EPHA6: variants seen among roughly 807,000 people sequenced by gnomAD.
The protein encoded by EPHA6 is ephrin type-A receptor 6.
Under a neutral mutation model 112.0 loss-of-function variants are expected in EPHA6, and 50 were observed. The observed-to-expected ratio is 0.45, with a 90% confidence interval of 0.36 to 0.56. The LOEUF (loss-of-function observed/expected upper bound fraction) is 0.56, where lower values mean the gene tolerates loss of function less well. Ranked by LOEUF, EPHA6 falls within the 20% of genes least tolerant of loss-of-function variation. EPHA6 has a pLI of 0.00. For missense variants in EPHA6, 1,280 were observed against 1,417.4 expected (o/e 0.90, Z 1.56); for synonymous variants, 529 against 490.7 (o/e 1.08, Z -1.03).
intron 2 of EPHA6, among the ~76,000 whole-genome samples, chr3:96,895,779 A>G (rs1190398600): frequency 6.6e-6 from 1 of 152,206 alleles, no homozygotes; most frequent in Non-Finnish European, 1.5e-5. Flanking sequence ...CCCCTGGTTT[A>G]TAGGTGCATC....
intron 4 of EPHA6, among the ~76,000 whole-genome samples, chr3:97,241,429 G>T (rs2078842709): frequency 6.6e-6 from 1 of 151,700 alleles, no homozygotes; most frequent in African/African-American, 2.4e-5. Context: ...CAATACAGAT[G>T]TCTCCAAAAG....
chr3:97,343,956 T>G (rs968231099), intron 5 of EPHA6, among the ~76,000 whole-genome samples: 1 of 152,130 alleles, frequency 6.6e-6, no homozygotes, highest in African/African-American at 2.4e-5. Flanking sequence ...GTACTATGTT[T>G]TGGATTTGCT....
rs188410201 is a variant in EPHA6 at position 96,936,487 on chromosome 3, A to G, written c.451-50843A>G. 3.2e-3 allele frequency among the ~76,000 whole-genome samples: 485 copies of G among 152,028 alleles called. 5 individuals carry two copies. The highest frequency in any genetic ancestry group is 0.01 in the Middle Eastern group (3 of 294). On this transcript the variant is annotated intron_variant, in intron 2 of 17. Transcript: ENST00000389672. Reference sequence around the variant, plus strand: ...TCAAACTTTTCAAGCTCTTTTGTGTATATTATATAACTGGCAGTGGATAAT... The same window carrying G: ...TCAAACTTTTCAAGCTCTTTTGTGTGTATTATATAACTGGCAGTGGATAAT...
intron 3 of EPHA6, among the ~76,000 whole-genome samples, chr3:97,192,328 T>C (rs748623469): frequency 3.9e-5 from 6 of 152,088 alleles, no homozygotes; most frequent in Non-Finnish European, 7.4e-5. Context: ...AGATGGGGTT[T>C]TGCCATGTTG....
chr3:97,219,239 A>G (rs1380431968), intron 3 of EPHA6, among the ~76,000 whole-genome samples: 1 of 152,090 alleles, frequency 6.6e-6, no homozygotes, highest in African/African-American at 2.4e-5. Flanking sequence ...CTCTTCTCAT[A>G]GCACCACTAG....
intron 14 of EPHA6, among the ~76,000 whole-genome samples, chr3:97,641,613 G>A (rs927214098): frequency 1.4e-4 from 22 of 152,370 alleles, no homozygotes; most frequent in African/African-American, 4.8e-4. Flanking sequence ...AGCAGAGCGA[G>A]GCATTGCCTC....
intron 2 of EPHA6, among the ~76,000 whole-genome samples, chr3:96,868,873 T>C (rs554721790): frequency 6.6e-6 from 1 of 152,118 alleles, no homozygotes; most frequent in East Asian, 1.9e-4. Flanking sequence ...AATTCATCAT[T>C]CCACTAGTAA....
At chr3:97,026,785 T>G (rs1576346861) in intron 3 of EPHA6, among the ~76,000 whole-genome samples, 1 of 152,074 alleles carries the variant, frequency 6.6e-6, no homozygotes, top group East Asian at 1.9e-4. Context: ...TAAAAAATAA[T>G]AGATGCTAGC....
At chr3:96,988,915 A>T (rs2043117621) in intron 3 of EPHA6, among the ~76,000 whole-genome samples, 1 of 152,144 alleles carries the variant, frequency 6.6e-6, no homozygotes. Flanking sequence ...TTACCTAATA[A>T]GTATATACAT....
rs201535642 is a variant in EPHA6 at position 97,283,318 on chromosome 3, G to A, written c.1606+39031G>A. On this transcript the variant is annotated intron_variant, in intron 5 of 17. Coordinates refer to ENST00000389672, the MANE Select transcript of EPHA6 (RefSeq NM_001080448.3). The stretch of plus-strand genomic sequence containing the variant: ...TGAAATATAAATTATTATCTTGCAT[G>A]CAGTAAGATAAATGGGAATAAATAT... Among the ~76,000 whole-genome samples, 16 of 152,150 alleles carry A rather than the reference G, an allele frequency of 1.1e-4. No homozygotes were observed. In the East Asian group the frequency reaches 3.1e-3, roughly 29 times the overall value.
chr3:96,991,954 C>T lies in EPHA6; in HGVS notation c.1114+3961C>T, dbSNP rs563986189. ...CTGGTGTTTTCAAGGTCCCTGACTGCAGGGGCAGAGAATGTTTTCTGATTA... is the reference window on the plus strand; with the variant it reads ...CTGGTGTTTTCAAGGTCCCTGACTGTAGGGGCAGAGAATGTTTTCTGATTA... On this transcript the variant is annotated intron_variant, in intron 3 of 17. Coordinates refer to ENST00000389672, the MANE Select transcript of EPHA6 (RefSeq NM_001080448.3). Among the ~76,000 whole-genome samples, 6 of 152,250 alleles carry T rather than the reference C, an allele frequency of 3.9e-5. No homozygotes were observed. In the East Asian group the frequency reaches 1.2e-3, roughly 29 times the overall value.
chr3:96,983,207 T>A (rs1410103706), intron 2 of EPHA6, among the ~76,000 whole-genome samples: 1 of 152,196 alleles, frequency 6.6e-6, no homozygotes, highest in Non-Finnish European at 1.5e-5. Flanking sequence ...TTCCTTTCTA[T>A]GTTTAGTGCT....
intron 11 of EPHA6, among the ~76,000 whole-genome samples, chr3:97,573,192 A>C (rs7614909): frequency 1.3e-5 from 2 of 152,046 alleles, no homozygotes; most frequent in African/African-American, 4.8e-5. Flanking sequence ...ACTTGATTTG[A>C]TAATTGTTGG....
intron 6 of EPHA6, among the ~76,000 whole-genome samples, chr3:97,409,974 AAAAT>A (rs1177193556): frequency 6.6e-6 from 1 of 152,112 alleles, no homozygotes; most frequent in African/African-American, 2.4e-5. Flanking sequence ...TTTTTAATTA[AAAAT>A]AAATAATGTT....
chr3:97,340,680 T>C (rs1201599541), intron 5 of EPHA6, among the ~76,000 whole-genome samples: 2 of 152,068 alleles, frequency 1.3e-5, no homozygotes, highest in Non-Finnish European at 2.9e-5. Flanking sequence ...AGCAGCAAAT[T>C]TGGTTTCTGT....
chr3:97,019,062 G>C (rs2044363831), intron 3 of EPHA6, among the ~76,000 whole-genome samples: 2 of 151,908 alleles, frequency 1.3e-5, no homozygotes, highest in African/African-American at 4.8e-5. Context: ...TATAGAGGGA[G>C]GATTATTATA....
chr3:97,521,200 T>C (rs1486070106), intron 10 of EPHA6, among the ~76,000 whole-genome samples: 1 of 147,918 alleles, frequency 6.8e-6, no homozygotes, highest in Admixed American at 6.7e-5. Context: ...ATAAATTTCT[T>C]TTTTTTTTTG....
At chr3:97,060,765 A>T (rs1251686802) in intron 3 of EPHA6, among the ~76,000 whole-genome samples, 1 of 151,166 alleles carries the variant, frequency 6.6e-6, no homozygotes, top group Non-Finnish European at 1.5e-5. Flanking sequence ...CAAAAAAAAA[A>T]TAATAATAAT....
intron 14 of EPHA6, among the ~76,000 whole-genome samples, chr3:97,662,712 G>A (rs1039850093): frequency 1.3e-5 from 2 of 152,152 alleles, no homozygotes; most frequent in African/African-American, 4.8e-5. Flanking sequence ...AGCATCTACT[G>A]TTAACAAGTG....
Sources: gnomAD v4.1 joint callset for allele counts (sites outside exome capture counted in the v4.1 genomes callset) on GRCh38, gnomAD v4.1.1 for gene constraint, MANE v1.5 for transcripts, NCBI Gene and HGNC (gene_info 2026-07-23, HGNC 2026-07-21) for gene names.